Variants in CSNK2A1 observed in about 807,000 individuals in gnomAD.
CSNK2A1 encodes casein kinase II subunit alpha.
CSNK2A1 carries 10 observed loss-of-function variants against 62.9 expected under a neutral mutation model. The ratio of observed to expected loss-of-function variants is 0.16; its 90% CI spans 0.10 to 0.27. The LOEUF is 0.27. CSNK2A1 is among the 10% of genes least tolerant of loss of function. The pLI, the probability that CSNK2A1 is intolerant of heterozygous loss-of-function variation, is 1.00. For missense variants in CSNK2A1, 160 were observed against 492.0 expected (o/e 0.33, Z 6.38); for synonymous variants, 124 against 167.8 (o/e 0.74, Z 2.02).
At chr20:491,727 T>A (rs889049423) in intron 9 of CSNK2A1, among the ~76,000 whole-genome samples, 2 of 151,748 alleles carry the variant, frequency 1.3e-5, no homozygotes, top group Non-Finnish European at 2.9e-5. Flanking sequence ...ATCGAGACCA[T>A]CCTGGCTAAC....
Position 503,234 on chromosome 20 carries a change from T to C in CSNK2A1, c.213+1884A>G, listed in dbSNP as rs1220699332. ...ATCATAGATCCGTGCAACCTTCAAC[T>C]TCCAGGCTCAAGCGATCCTCCCACT... On this transcript the variant is annotated intron_variant, in intron 4 of 13. Coordinates refer to ENST00000217244, the MANE Select transcript of CSNK2A1 (RefSeq NM_177559.3). The C allele has an allele frequency of 1.7e-5, 6 of 353,608 alleles. No homozygotes were observed. In the Admixed American group the frequency reaches 1.9e-4, roughly 11 times the overall value. 21.9% of individuals were successfully genotyped at this position (353,608 alleles called of 1,614,324 possible).
At chr20:503,834 T>C (rs1288835940) in intron 4 of CSNK2A1, 1 of 396,374 alleles carries the variant, frequency 2.5e-6, no homozygotes, top group Non-Finnish European at 4.4e-6. Flanking sequence ...AACTTTTTTC[T>C]TTTAATTTAT....
At position 473,466 on chromosome 20, in the gene CSNK2A1, C is replaced by G. The variant is rs2122459724; in HGVS notation, c.*10495G>C. 1 of 152,430 alleles carries G rather than the reference C, an allele frequency of 6.6e-6. No individual in the cohort carries two copies. Among genetic ancestry groups the G allele is most frequent in the Middle Eastern group, 3.4e-3 (1 of 294 alleles). The allele number at this position is 152,430 out of a possible 1,614,324, so 9.4% of individuals were successfully genotyped here. ...TGTTCCTGTTTCATTCCCCCAGATG[C>G]AAGGGAGCTTCATCCAAGGGGGTGA... On this transcript the variant is annotated 3_prime_UTR_variant, in exon 14 of 14. Coordinates refer to ENST00000217244, the MANE Select transcript of CSNK2A1 (RefSeq NM_177559.3).
At chr20:502,323 T>C (rs2018487587) in intron 4 of CSNK2A1, 1 of 152,180 alleles carries the variant, frequency 6.6e-6, no homozygotes, top group Admixed American at 6.5e-5. Flanking sequence ...ATCTGGGAGA[T>C]CTTTCCACCC....
At chr20:495,402 G>T in intron 8 of CSNK2A1, 1 of 315,232 alleles carries the variant, frequency 3.2e-6, no homozygotes, top group South Asian at 3.3e-5. Context: ...GTACACGTAA[G>T]AAAAAGAAGG....
intron 2 of CSNK2A1, among the ~76,000 whole-genome samples, chr20:525,869 G>A (rs920768356): frequency 2.0e-5 from 3 of 148,046 alleles, no homozygotes; most frequent in African/African-American, 7.4e-5. Flanking sequence ...AGCCAGGTGT[G>A]GTGGCATGCA....
chr20:520,538 T>C (rs950199256), intron 2 of CSNK2A1, among the ~76,000 whole-genome samples: 6 of 152,114 alleles, frequency 3.9e-5, no homozygotes, highest in Non-Finnish European at 8.8e-5. Flanking sequence ...CTGCCTCTGG[T>C]GCCCACGCTG....
chr20:491,881 G>A (rs1249909681), intron 9 of CSNK2A1, among the ~76,000 whole-genome samples: 4 of 152,148 alleles, frequency 2.6e-5, no homozygotes, highest in Non-Finnish European at 5.9e-5. Context: ...CCGAGATCAT[G>A]CCACTGCACT....
intron 1 of CSNK2A1, among the ~76,000 whole-genome samples, 161 bp from the exon 2 acceptor site, chr20:528,210 T>C (rs2019138838): frequency 6.6e-6 from 1 of 152,178 alleles, no homozygotes; most frequent in African/African-American, 2.4e-5. Context: ...CTGCAGAATA[T>C]AAGGATTATC....
At chr20:501,410 A>G (rs1381227329) in intron 4 of CSNK2A1, 2 of 152,226 alleles carry the variant, frequency 1.3e-5, no homozygotes, top group Non-Finnish European at 2.9e-5. Context: ...GTGCTGGCCC[A>G]AAGGAAATAT....
At chr20:536,105 T>C (rs2019316972) in intron 1 of CSNK2A1, among the ~76,000 whole-genome samples, 1 of 152,120 alleles carries the variant, frequency 6.6e-6, no homozygotes, top group Non-Finnish European at 1.5e-5. Context: ...ATAGACACTG[T>C]ACACGAGTAA....
At chr20:508,709 T>C in intron 2 of CSNK2A1, 49 bp from the exon 3 acceptor site, 4 of 628,728 alleles carry the variant, frequency 6.4e-6, no homozygotes, top group Non-Finnish European at 8.2e-6. Context: ...ACAGAAGGTA[T>C]ATGGGAAGGA....
In CSNK2A1 at chr20:483,603, G is replaced by A. The variant is rs1176873324; in HGVS notation, c.*358C>T. Reference sequence around the variant, plus strand: ...GGAGGAACAATGGTGGGAATGGGAAGAAGTCTCCACCTAAATGCAGCAGCC... The same window carrying A: ...GGAGGAACAATGGTGGGAATGGGAAAAAGTCTCCACCTAAATGCAGCAGCC... On this transcript the variant is annotated 3_prime_UTR_variant, in exon 14 of 14. Transcript: ENST00000217244. The A allele has an allele frequency of 1.3e-5, 2 of 156,682 alleles. No individual in the cohort carries two copies. The highest frequency in any genetic ancestry group is 1.9e-4 in the East Asian group (1 of 5,398). 9.7% of individuals were successfully genotyped at this position (156,682 alleles called of 1,614,324 possible). A position where few individuals can be genotyped will look rare whatever the true frequency, so the allele number is the denominator to read the frequency against.
intron 13 of CSNK2A1, among the ~76,000 whole-genome samples, chr20:485,911 T>G (rs2018087703): frequency 6.6e-6 from 1 of 152,170 alleles, no homozygotes; most frequent in Non-Finnish European, 1.5e-5. Context: ...GTCACAATGA[T>G]CCAATAATGG....
At position 479,467 on chromosome 20, in the gene CSNK2A1, T is replaced by C. The variant is rs567374968; in HGVS notation, c.*4494A>G. On this transcript the variant is annotated 3_prime_UTR_variant, in exon 14 of 14. Transcript: ENST00000217244. ...TGGAAATTCAACTTGGGTGGTAGGA[T>C]TATGGATGTGTTACAGCTTTCTTTA... 1.3e-5 allele frequency: 2 copies of C among 152,310 alleles called. No individual in the cohort carries two copies. The highest frequency in any genetic ancestry group is 1.3e-4 in the Admixed American group (2 of 15,302). 9.4% of individuals were successfully genotyped at this position (152,310 alleles called of 1,614,324 possible). A position where few individuals can be genotyped will look rare whatever the true frequency, so the allele number is the denominator to read the frequency against.
At chr20:532,553 G>A (rs2019235437) in intron 1 of CSNK2A1, among the ~76,000 whole-genome samples, 1 of 152,012 alleles carries the variant, frequency 6.6e-6, no homozygotes, top group African/African-American at 2.4e-5. Context: ...TGGATCTGAG[G>A]TCATTAGTTT....
At position 478,683 on chromosome 20, in the gene CSNK2A1, C is replaced by A; in HGVS notation, c.*5278G>T. Reference sequence around the variant, plus strand: ...GTGGCTCATGCCTCTAATCTCAGCACTTTGGGAGGCCAAGGCGGGTAGACT... The same window carrying A: ...GTGGCTCATGCCTCTAATCTCAGCAATTTGGGAGGCCAAGGCGGGTAGACT... On this transcript the variant is annotated 3_prime_UTR_variant, in exon 14 of 14. Transcript: ENST00000217244. 2 of 420,994 alleles carry A rather than the reference C, an allele frequency of 4.8e-6. No homozygotes were observed. The highest frequency in any genetic ancestry group is 9.4e-6 in the Non-Finnish European group (2 of 212,204). 26.1% of individuals were successfully genotyped at this position (420,994 alleles called of 1,614,324 possible). A position where few individuals can be genotyped will look rare whatever the true frequency, so the allele number is the denominator to read the frequency against.
chr20:474,087 C>T lies in CSNK2A1; in HGVS notation c.*9874G>A, dbSNP rs944496440. ...ATTATTTTTAAGAGAGAGGTTCTCA[C>T]TCTGTCAGCCAGGTCTCACTGAGAG... On this transcript the variant is annotated 3_prime_UTR_variant, in exon 14 of 14. Transcript: ENST00000217244. 1 of 152,208 alleles carries T rather than the reference C, an allele frequency of 6.6e-6. No individual in the cohort carries two copies. The highest frequency in any genetic ancestry group is 1.5e-5 in the Non-Finnish European group (1 of 68,040). The allele number at this position is 152,208 out of a possible 1,614,324, so 9.4% of individuals were successfully genotyped here.
At chr20:489,564 AT>A in intron 10 of CSNK2A1, 1 of 432,624 alleles carries the variant, frequency 2.3e-6, no homozygotes. Context: ...CTGGATGACA[AT>A]TTATATGTAT....
Sources: gnomAD v4.1 joint callset for allele counts (sites outside exome capture counted in the v4.1 genomes callset) on GRCh38, gnomAD v4.1.1 for gene constraint, MANE v1.5 for transcripts, NCBI Gene and HGNC (gene_info 2026-07-23, HGNC 2026-07-21) for gene names.